Variants in C10orf143 observed in about 807,000 individuals in gnomAD.
The protein encoded by C10orf143 is uncharacterized protein C10orf143.
intron 1 of C10orf143, chr10:130,104,444 G>A (rs1368226171): frequency 6.6e-6 from 1 of 152,240 alleles, no homozygotes; most frequent in East Asian, 1.9e-4. Context: ...GTGGTTATGT[G>A]CAGAGTACAG....
intron 3 of C10orf143, among the ~76,000 whole-genome samples, chr10:130,069,450 A>G (rs1860994572): frequency 6.6e-6 from 1 of 152,232 alleles, no homozygotes; most frequent in Non-Finnish European, 1.5e-5. Context: ...ACAGAACACT[A>G]GATAGTAACT....
intron 3 of C10orf143, among the ~76,000 whole-genome samples, chr10:130,052,759 G>A (rs1233450528): frequency 1.3e-5 from 2 of 152,322 alleles, no homozygotes; most frequent in East Asian, 1.9e-4. Context: ...ACTAATCAGC[G>A]TTACTCTTTC....
intron 3 of C10orf143, among the ~76,000 whole-genome samples, chr10:130,074,305 G>T (rs78335303): frequency 0.034 from 5,245 of 152,192 alleles, 238 homozygotes; most frequent in East Asian, 0.11. Flanking sequence ...TGAACTCCAG[G>T]ATCCTTGACA....
At chr10:130,042,366 C>T (rs1860617564) in intron 3 of C10orf143, among the ~76,000 whole-genome samples, 2 of 152,366 alleles carry the variant, frequency 1.3e-5, no homozygotes, top group Admixed American at 6.5e-5. Context: ...AACTTACATT[C>T]TTAGAAGAGT....
At chr10:130,088,474 A>G (rs1327639067) in intron 1 of C10orf143, among the ~76,000 whole-genome samples, 1 of 152,248 alleles carries the variant, frequency 6.6e-6, no homozygotes, top group African/African-American at 2.4e-5. Context: ...TATATTTTAT[A>G]TAAAATAATC....
intron 3 of C10orf143, among the ~76,000 whole-genome samples, chr10:130,071,173 C>T (rs754100795): frequency 2.6e-5 from 4 of 152,176 alleles, no homozygotes; most frequent in Non-Finnish European, 5.9e-5. Flanking sequence ...CCTGCCTCAG[C>T]CTCCCAAATA....
At chr10:130,105,226 C>A (rs140408242) in intron 1 of C10orf143, among the ~76,000 whole-genome samples, 1 of 152,170 alleles carries the variant, frequency 6.6e-6, no homozygotes, top group Non-Finnish European at 1.5e-5. Context: ...CTGCGCCCGG[C>A]CTGCTTTGTA....
intron 3 of C10orf143, among the ~76,000 whole-genome samples, chr10:130,042,765 G>A (rs1669400199): frequency 6.6e-6 from 1 of 152,252 alleles, no homozygotes; most frequent in African/African-American, 2.4e-5. Context: ...TGTGAGAAAG[G>A]TGGAAACTGA....
At chr10:130,077,333 A>G (rs894073011) in intron 3 of C10orf143, among the ~76,000 whole-genome samples, 17 of 152,226 alleles carry the variant, frequency 1.1e-4, no homozygotes, top group African/African-American at 3.6e-4. Flanking sequence ...AGACGGCTAT[A>G]CTGAGAATTC....
intron 1 of C10orf143, among the ~76,000 whole-genome samples, chr10:130,083,321 G>A (rs1861237328): frequency 1.3e-5 from 2 of 152,210 alleles, no homozygotes; most frequent in Admixed American, 6.5e-5. Flanking sequence ...TGCTTTGCTG[G>A]TGAGAATGCA....
At chr10:130,107,914 C>A (rs764160471) in intron 1 of C10orf143, 5 of 1,362,780 alleles carry the variant, frequency 3.7e-6, no homozygotes, top group Non-Finnish European at 4.2e-6. Context: ...AAAGGCAAGA[C>A]AGATTTTATT....
chr10:130,101,797 T>C (rs1429401043), intron 1 of C10orf143, among the ~76,000 whole-genome samples: 1 of 129,830 alleles, frequency 7.7e-6, no homozygotes, highest in African/African-American at 3.0e-5. Flanking sequence ...GAGACAGAGA[T>C]TGCAGTGAGC....
At chr10:130,039,141 G>T (rs1185172310) in intron 3 of C10orf143, among the ~76,000 whole-genome samples, 2 of 151,610 alleles carry the variant, frequency 1.3e-5, no homozygotes, top group Admixed American at 1.3e-4. Flanking sequence ...TGGGAACGGT[G>T]ACACTAGCCC....
Position 130,056,196 on chromosome 10 carries a change from G to A in C10orf143, c.298-20226C>T, listed in dbSNP as rs1168320037. On this transcript the variant is annotated intron_variant and NMD_transcript_variant, in intron 3 of 5. Transcript: ENST00000643056. This position sits in a 1 kb window ranked among gnomAD's most constrained non-coding sequence, Gnocchi z 4.6. ...CTGATTTAGGGCTGAAAACATCACC[G>A]TGTATTTAGTAAATGTGCAATTAAC... Among the ~76,000 whole-genome samples the A allele has an allele frequency of 5.3e-5, 8 of 152,132 alleles. No homozygotes were observed. Among genetic ancestry groups the A allele is most frequent in the Admixed American group, 6.5e-5 (1 of 15,268 alleles).
chr10:130,071,163 C>T (rs1210928861), intron 3 of C10orf143, among the ~76,000 whole-genome samples: 1 of 152,160 alleles, frequency 6.6e-6, no homozygotes, highest in Non-Finnish European at 1.5e-5. Context: ...AAGTGATCTG[C>T]CTGCCTCAGC....
chr10:130,087,835 C>A (rs1053137059), intron 1 of C10orf143, among the ~76,000 whole-genome samples: 1 of 152,170 alleles, frequency 6.6e-6, no homozygotes. Flanking sequence ...CAGAGCCCAG[C>A]GCCAGCTCTG....
At chr10:130,109,775 A>C (rs1195688642) in intron 1 of C10orf143, among the ~76,000 whole-genome samples, 1 of 152,038 alleles carries the variant, frequency 6.6e-6, no homozygotes, top group Non-Finnish European at 1.5e-5. Context: ...TACGCAGTAA[A>C]GACATCTAAA....
intron 3 of C10orf143, among the ~76,000 whole-genome samples, chr10:130,069,972 C>A (rs569066754): frequency 1.3e-5 from 2 of 152,096 alleles, no homozygotes; most frequent in South Asian, 2.1e-4. Flanking sequence ...CTAAGTATCA[C>A]GTCCTTAATT....
At chr10:130,039,011 G>A (rs765710835) in intron 3 of C10orf143, among the ~76,000 whole-genome samples, 21 of 152,158 alleles carry the variant, frequency 1.4e-4, no homozygotes, top group Non-Finnish European at 2.1e-4. Context: ...TCTGGTATTG[G>A]TGCTAAAAGT....
Sources: allele counts gnomAD v4.1 joint callset (sites outside exome capture counted in the v4.1 genomes callset), GRCh38; gene constraint gnomAD v4.1.1; non-coding constraint Gnocchi (gnomAD v3.1); transcripts MANE v1.5; gene names NCBI Gene and HGNC (gene_info 2026-07-23, HGNC 2026-07-21).